MYO1H: variants seen among roughly 807,000 people sequenced by gnomAD.
MYO1H encodes the protein unconventional myosin-Ih.
Under a neutral mutation model 149.3 loss-of-function variants are expected in MYO1H, and 118 were observed. That is an observed-to-expected ratio of 0.79 (90% CI 0.68 to 0.92). The LOEUF (loss-of-function observed/expected upper bound fraction) is 0.92. MYO1H is among the 40% of genes least tolerant of loss of function. MYO1H has a pLI of 0.00. For missense variants in MYO1H, 1,212 were observed against 1,280.7 expected, an observed-to-expected ratio of 0.95 and a Z score of 0.82; for synonymous variants, 447 against 465.2, an observed-to-expected ratio of 0.96 and a Z score of 0.50.
At chr12:109,371,907 A>AAT (rs1868990965) in intron 1 of MYO1H, among the ~76,000 whole-genome samples, 1 of 152,178 alleles carries the variant, frequency 6.6e-6, no homozygotes, top group Non-Finnish European at 1.5e-5. Flanking sequence ...TTTTGAGTGA[A>AAT]ATGGAGTATC....
At chr12:109,408,774 A>G (rs775993530) in intron 10 of MYO1H, among the ~76,000 whole-genome samples, 2 of 152,086 alleles carry the variant, frequency 1.3e-5, no homozygotes, top group South Asian at 4.2e-4. Flanking sequence ...CTTTAAAACT[A>G]AATAAATACA....
intron 1 of MYO1H, among the ~76,000 whole-genome samples, chr12:109,383,123 C>G (rs151203000): frequency 7.8e-4 from 118 of 152,212 alleles, no homozygotes; most frequent in African/African-American, 2.6e-3. Flanking sequence ...GTGAAACTCT[C>G]ACCCCCTACT....
chr12:109,376,828 TACTTAA>T (rs563433627), intron 1 of MYO1H, among the ~76,000 whole-genome samples: 35 of 152,300 alleles, frequency 2.3e-4, no homozygotes, highest in Admixed American at 9.2e-4. Flanking sequence ...TGTCAAGTTT[TACTTAA>T]ACTTCTTGGG....
Position 109,444,431 on chromosome 12 carries a change from G to A in MYO1H, c.2896-1G>A, listed in dbSNP as rs1237671482. ...TATGCCTTGTCTCCTCCCCACCCCA[G>A]GGGGATGCCGTTTTGCAGTGTGGAC... On this transcript the variant is annotated splice_acceptor_variant, in intron 29 of 31. Coordinates refer to ENST00000310903, the Ensembl canonical transcript of MYO1H. LOFTEE classifies it high-confidence loss of function. 3 of 1,613,158 alleles carry A rather than the reference G, an allele frequency of 1.9e-6. No homozygotes were observed. The East Asian group carries it at 6.7e-5, about 36-fold the overall frequency.
chr12:109,396,557 T>G (rs1307497774), exon 4 of MYO1H: 1 of 1,613,258 alleles, frequency 6.2e-7, no homozygotes, highest in African/African-American at 1.3e-5. Context: ...CGTGACAGAC[T>G]GCTGTTCTCC....
intron 1 of MYO1H, among the ~76,000 whole-genome samples, chr12:109,357,843 G>A (rs1868643133): frequency 6.9e-6 from 1 of 144,120 alleles, no homozygotes; most frequent in Non-Finnish European, 1.5e-5. Context: ...CTATTCTCTT[G>A]ATTTTTTTTC....
At chr12:109,395,084 G>A (rs146616843) in intron 3 of MYO1H, among the ~76,000 whole-genome samples, 5 of 152,258 alleles carry the variant, frequency 3.3e-5, no homozygotes, top group Non-Finnish European at 7.4e-5. Context: ...ATTAAAAGCC[G>A]AAATGGCTTT....
At chr12:109,368,950 G>A (rs1487144817) in intron 1 of MYO1H, among the ~76,000 whole-genome samples, 1 of 152,066 alleles carries the variant, frequency 6.6e-6, no homozygotes, top group African/African-American at 2.4e-5. Flanking sequence ...TAGGGTAATG[G>A]CCGGTAGCTG....
chr12:109,413,783 G>A (rs1470500043), intron 14 of MYO1H, among the ~76,000 whole-genome samples: 8 of 152,042 alleles, frequency 5.3e-5, no homozygotes, highest in Admixed American at 2.0e-4. Context: ...GGTGGTACAC[G>A]CCTGTAGTTC....
Position 109,364,389 on chromosome 12 carries a change from C to T in MYO1H, c.12+16417C>T, listed in dbSNP as rs111620602. On this transcript the variant is annotated intron_variant, in intron 1 of 31. Coordinates refer to ENST00000310903, the Ensembl canonical transcript of MYO1H. The stretch of plus-strand genomic sequence containing the variant: ...TTTGCCCAGGACTGGGGTGTGGTGG[C>T]GTGAACACTGCTCACTGCAGCCTCA... Among the ~76,000 whole-genome samples, 370 of 152,036 alleles carry T rather than the reference C, an allele frequency of 2.4e-3. 2 individuals are homozygous for T. Among genetic ancestry groups the T allele is most frequent in the African/African-American group, 8.5e-3 (352 of 41,474 alleles).
intron 23 of MYO1H, among the ~76,000 whole-genome samples, chr12:109,439,080 G>GT (rs66538860): frequency 1.3e-5 from 2 of 152,018 alleles, no homozygotes; most frequent in Non-Finnish European, 2.9e-5. Context: ...GTTGTTGTTT[G>GT]TTTTTTTTGT....
chr12:109,346,313 A>G (rs1474002978), upstream of MYO1H, among the ~76,000 whole-genome samples: 2 of 152,230 alleles, frequency 1.3e-5, no homozygotes, highest in Non-Finnish European at 2.9e-5. Context: ...CAGGCAATTG[A>G]GCATCCATGG....
At chr12:109,446,320 G>C in intron 31 of MYO1H, 1 of 966,942 alleles carries the variant, frequency 1.0e-6, no homozygotes, top group Non-Finnish European at 1.2e-6. Context: ...ATCCAGTTTT[G>C]CTGAAAACGA....
chr12:109,311,838 C>T, the MYO1H span, among the ~76,000 whole-genome samples: 4 of 152,152 alleles, frequency 2.6e-5, no homozygotes, highest in Admixed American at 2.0e-4. Flanking sequence ...ACCAGACCTC[C>T]GATTATACAA....
intron 8 of MYO1H, 145 bp downstream of exon 8, chr12:109,406,180 T>G: frequency 1.6e-6 from 1 of 618,908 alleles, no homozygotes; most frequent in South Asian, 2.0e-5. Flanking sequence ...AGAGTGGGGG[T>G]TTGAAGGAGA....
At chr12:109,343,023 AG>A (rs1183771402), upstream of MYO1H, among the ~76,000 whole-genome samples, 2 of 152,126 alleles carry the variant, frequency 1.3e-5, no homozygotes, top group African/African-American at 4.8e-5. Context: ...GTTCAAGACC[AG>A]TCTGAGCCAC....
intron 3 of MYO1H, among the ~76,000 whole-genome samples, chr12:109,394,045 C>T (rs1869790554): frequency 6.6e-6 from 1 of 152,152 alleles, no homozygotes; most frequent in Non-Finnish European, 1.5e-5. Flanking sequence ...TATGTATAAC[C>T]TATGGTAATA....
chr12:109,431,992 ATTTTTTTTTTTT>A (rs554701536), intron 19 of MYO1H, among the ~76,000 whole-genome samples: 1 of 85,746 alleles, frequency 1.2e-5, no homozygotes, highest in East Asian at 3.5e-4. Context: ...TAAAAAAAAA[ATTTTTTTTTTTT>A]TTTTTTTTTT....
rs200654330 is a variant in MYO1H at position 109,419,504 on chromosome 12, A to AT, written c.1598-1469dup. On this transcript the variant is annotated intron_variant, in intron 15 of 31. Coordinates refer to ENST00000310903, the Ensembl canonical transcript of MYO1H. ...GAAGCCAGCTTGCTTCTATGCCACC[A>AT]TTTTTTTTCTTAAACACTTTTGATG... is the stretch of plus-strand genomic sequence containing the variant. Among the ~76,000 whole-genome samples the AT allele has an allele frequency of 1.1e-3, 165 of 151,756 alleles. 3 individuals carry two copies. In the East Asian group the frequency reaches 0.03, roughly 28 times the overall value.
Sources: gnomAD v4.1 joint callset for allele counts (sites outside exome capture counted in the v4.1 genomes callset) on GRCh38, gnomAD v4.1.1 for gene constraint, MANE v1.5 for transcripts, NCBI Gene and HGNC (gene_info 2026-07-23, HGNC 2026-07-21) for gene names.